ARMC2: variants seen among roughly 807,000 people sequenced by gnomAD.
The protein encoded by ARMC2 is armadillo repeat-containing protein 2.
ARMC2 carries 67 observed loss-of-function variants against 90.3 expected under a neutral mutation model. That is an observed-to-expected ratio of 0.74 (90% CI 0.61 to 0.91). The LOEUF (loss-of-function observed/expected upper bound fraction) is 0.91, where lower values mean the gene tolerates loss of function less well. ARMC2 is among the 40% of genes least tolerant of loss of function. The pLI is 0.00. For missense variants in ARMC2, 920 were observed against 1,030.9 expected (o/e 0.89, Z 1.47); for synonymous variants, 393 against 393.0 (o/e 1.00, Z 0.00).
At chr6:108,925,743 T>A (rs2754821) in intron 10 of ARMC2, among the ~76,000 whole-genome samples, 1 of 152,030 alleles carries the variant, frequency 6.6e-6, no homozygotes, top group African/African-American at 2.4e-5. Context: ...TTGCTGTGTA[T>A]TTTTCAAATG....
At chr6:108,982,875 C>T in the ARMC2 span, among the ~76,000 whole-genome samples, 3 of 146,210 alleles carry the variant, frequency 2.1e-5, no homozygotes, top group African/African-American at 7.6e-5. Flanking sequence ...GCATGGAGTA[C>T]GGTGGCGCGA....
chr6:108,909,307 A>G (rs1338101594), intron 8 of ARMC2, among the ~76,000 whole-genome samples: 3 of 141,214 alleles, frequency 2.1e-5, no homozygotes, highest in South Asian at 5.6e-4. Context: ...GCTTAATATG[A>G]TAGTATTGAT....
At chr6:109,007,476 T>C in the ARMC2 span, among the ~76,000 whole-genome samples, 1 of 152,238 alleles carries the variant, frequency 6.6e-6, no homozygotes, top group African/African-American at 2.4e-5. Context: ...ACACTATTAC[T>C]GTTGTGATTA....
chr6:108,852,057 T>G (rs1272242180), intron 1 of ARMC2, among the ~76,000 whole-genome samples: 1 of 152,180 alleles, frequency 6.6e-6, no homozygotes, highest in Non-Finnish European at 1.5e-5. Context: ...AGGAAAATTT[T>G]GTAAAGTTAG....
chr6:108,904,438 A>G (rs370148088), intron 8 of ARMC2, 33 bp downstream of exon 8: 12 of 1,526,850 alleles, frequency 7.9e-6, no homozygotes, highest in Non-Finnish European at 1.1e-5. Flanking sequence ...CTAGTAGACT[A>G]TATCACATAA....
At chr6:108,938,235 T>G (rs1268206316) in intron 12 of ARMC2, among the ~76,000 whole-genome samples, 1 of 152,174 alleles carries the variant, frequency 6.6e-6, no homozygotes, top group East Asian at 1.9e-4. Context: ...AGCTTTGTGT[T>G]TGTTTTGTTA....
the ARMC2 span, among the ~76,000 whole-genome samples, chr6:109,024,177 A>G: frequency 2.0e-4 from 30 of 152,230 alleles, no homozygotes; most frequent in Non-Finnish European, 3.8e-4. Flanking sequence ...TATGTACTGT[A>G]TTCAGTGGAA....
At chr6:108,942,770 A>G (rs1255675401) in intron 12 of ARMC2, among the ~76,000 whole-genome samples, 3 of 152,144 alleles carry the variant, frequency 2.0e-5, no homozygotes, top group Non-Finnish European at 4.4e-5. Context: ...GGAGGTTAGT[A>G]TTGCTTCTGT....
intron 12 of ARMC2, among the ~76,000 whole-genome samples, chr6:108,942,302 G>A (rs1461874135): frequency 6.6e-6 from 1 of 152,164 alleles, no homozygotes; most frequent in Non-Finnish European, 1.5e-5. Flanking sequence ...TCCTAGTTTG[G>A]AGGAAGAAAT....
intron 13 of ARMC2, among the ~76,000 whole-genome samples, chr6:108,954,298 A>G (rs1286337962): frequency 6.6e-6 from 1 of 152,200 alleles, no homozygotes. Context: ...GCTAGTGTGT[A>G]GGAAAATTAA....
At position 108,904,425 on chromosome 6, in the gene ARMC2, G is replaced by T; in HGVS notation, c.1023+20G>T. On this transcript the variant is annotated intron_variant, in intron 8 of 17. Coordinates refer to ENST00000392644, the MANE Select transcript of ARMC2 (RefSeq NM_032131.6). ...CTAGCAGTAAGTTTTTCTTTCCTCT[G>T]GTCTAGTAGACTATATCACATAAAA... is the stretch of plus-strand genomic sequence containing the variant. 1.9e-6 allele frequency: 3 copies of T among 1,580,946 alleles called. No homozygotes were observed. Among genetic ancestry groups the T allele is most frequent in the Non-Finnish European group, 2.6e-6 (3 of 1,165,366 alleles).
the ARMC2 span, among the ~76,000 whole-genome samples, chr6:109,021,334 G>A: frequency 6.6e-6 from 1 of 152,108 alleles, no homozygotes; most frequent in African/African-American, 2.4e-5. Flanking sequence ...GTAGGATGCT[G>A]TAAAATAAGT....
At chr6:108,975,760 A>G (rs1262382035), downstream of ARMC2, among the ~76,000 whole-genome samples, 2 of 152,090 alleles carry the variant, frequency 1.3e-5, no homozygotes, top group Non-Finnish European at 2.9e-5. Context: ...ACCAGTGATG[A>G]TGAGCTTTTT....
intron 8 of ARMC2, among the ~76,000 whole-genome samples, chr6:108,905,314 A>G (rs554720620): frequency 1.9e-4 from 29 of 152,240 alleles, no homozygotes; most frequent in Non-Finnish European, 3.1e-4. Flanking sequence ...GCATATATCT[A>G]TGTAATATCA....
the ARMC2 span, among the ~76,000 whole-genome samples, chr6:108,997,249 G>A: frequency 6.6e-6 from 1 of 152,156 alleles, no homozygotes; most frequent in Non-Finnish European, 1.5e-5. Context: ...TTTAATAGAA[G>A]GAGAACTAGA....
chr6:108,882,321 C>T (rs185283567), intron 5 of ARMC2, among the ~76,000 whole-genome samples: 13 of 151,820 alleles, frequency 8.6e-5, no homozygotes, highest in Admixed American at 6.6e-4. Context: ...CACCTGTAGT[C>T]CCAGCTACTC....
the ARMC2 span, among the ~76,000 whole-genome samples, chr6:109,019,355 G>A: frequency 0.072 from 10,913 of 152,170 alleles, 884 homozygotes; most frequent in African/African-American, 0.2. Flanking sequence ...AATTTCAACT[G>A]GTTCCAGCAG....
intron 17 of ARMC2, 149 bp downstream of exon 17, chr6:108,965,289 G>T (rs1340977331): frequency 7.4e-6 from 5 of 672,304 alleles, no homozygotes; most frequent in African/African-American, 7.1e-5. Flanking sequence ...CTATAATTTG[G>T]AACTGAAAAG....
At chr6:108,904,473 T>A in intron 8 of ARMC2, 68 bp downstream of exon 8, 1 of 1,363,866 alleles carries the variant, frequency 7.3e-7, no homozygotes. Context: ...GCTTTATTTT[T>A]AAATATTACA....
Sources: gnomAD v4.1 joint callset for allele counts (sites outside exome capture counted in the v4.1 genomes callset) on GRCh38, gnomAD v4.1.1 for gene constraint, MANE v1.5 for transcripts, NCBI Gene and HGNC (gene_info 2026-07-23, HGNC 2026-07-21) for gene names.